LINGO2: variants seen among roughly 807,000 people sequenced by gnomAD.
The protein encoded by LINGO2 is leucine-rich repeat and immunoglobulin-like domain-containing nogo receptor-interacting protein 2.
A neutral mutation model predicts 30.6 loss-of-function variants in LINGO2; 14 were observed. The observed-to-expected ratio is 0.46, with a 90% confidence interval of 0.30 to 0.72. The LOEUF (loss-of-function observed/expected upper bound fraction) is 0.72. LINGO2 is among the 30% of genes least tolerant of loss of function. The probability of loss-of-function intolerance (pLI) is 0.07; values close to 1 mark genes in which losing one functional copy is unlikely to be tolerated. For missense variants in LINGO2, 729 were observed against 751.7 expected (o/e 0.97, Z 0.35); for synonymous variants, 317 against 288.5 (o/e 1.10, Z -1.00).
chr9:28,865,828 T>C, the LINGO2 span, among the ~76,000 whole-genome samples: 2 of 152,066 alleles, frequency 1.3e-5, no homozygotes. Flanking sequence ...TCATCTCAAC[T>C]TAAAGAGATC....
chr9:29,009,652 A>T, the LINGO2 span, among the ~76,000 whole-genome samples: 8 of 152,290 alleles, frequency 5.3e-5, no homozygotes, highest in East Asian at 1.9e-4. Flanking sequence ...GCTACCAATG[A>T]CTTTCTTCAC....
the LINGO2 span, among the ~76,000 whole-genome samples, chr9:29,078,478 C>G: frequency 6.6e-6 from 1 of 151,878 alleles, no homozygotes; most frequent in South Asian, 2.1e-4. Context: ...TTAAGAAATT[C>G]TTCTACTCTT....
the LINGO2 span, among the ~76,000 whole-genome samples, chr9:28,733,809 C>A: frequency 6.6e-6 from 1 of 151,946 alleles, no homozygotes; most frequent in Non-Finnish European, 1.5e-5. Flanking sequence ...ATCTGCCCTT[C>A]AAAAATCCAT....
At chr9:28,882,602 T>G in the LINGO2 span, among the ~76,000 whole-genome samples, 1 of 152,306 alleles carries the variant, frequency 6.6e-6, no homozygotes, top group South Asian at 2.1e-4. Flanking sequence ...AGATTAGCTA[T>G]GCTCCTCTAA....
chr9:28,045,914 T>C (rs1368344996), intron 4 of LINGO2, among the ~76,000 whole-genome samples: 2 of 152,154 alleles, frequency 1.3e-5, no homozygotes, highest in Admixed American at 6.5e-5. Flanking sequence ...TCAATTCAGT[T>C]TGATGATGAT....
At chr9:27,945,654 G>A (rs987089680), downstream of LINGO2, among the ~76,000 whole-genome samples, 5 of 152,120 alleles carry the variant, frequency 3.3e-5, no homozygotes, top group Admixed American at 6.6e-5. Context: ...GCTGGTATGA[G>A]CTGTTATGCT....
chr9:28,003,041 ATAAGT>A (rs781010869), intron 5 of LINGO2, among the ~76,000 whole-genome samples: 70 of 152,308 alleles, frequency 4.6e-4, no homozygotes, highest in Admixed American at 2.0e-3. Context: ...TGAAAAATGA[ATAAGT>A]TAATGAATAT....
the LINGO2 span, among the ~76,000 whole-genome samples, chr9:28,908,471 C>T: frequency 4.0e-5 from 6 of 151,860 alleles, no homozygotes; most frequent in African/African-American, 1.4e-4. Flanking sequence ...ACCATGTTGG[C>T]TGACTATCCT....
intron 4 of LINGO2, among the ~76,000 whole-genome samples, chr9:28,013,894 A>T (rs1217578343): frequency 6.6e-6 from 1 of 152,226 alleles, no homozygotes; most frequent in Non-Finnish European, 1.5e-5. Flanking sequence ...CTGGCTAAAG[A>T]ATGGGGCTTT....
the LINGO2 span, among the ~76,000 whole-genome samples, chr9:28,728,196 G>C: frequency 6.6e-6 from 1 of 152,070 alleles, no homozygotes; most frequent in South Asian, 2.1e-4. Flanking sequence ...ACCTGGGAAA[G>C]AAACTGCCTC....
chr9:28,625,130 G>A (rs1257891647), intron 1 of LINGO2, among the ~76,000 whole-genome samples: 2 of 152,048 alleles, frequency 1.3e-5, no homozygotes, highest in African/African-American at 2.4e-5. Flanking sequence ...TTGTGGTGGT[G>A]AGGCTTGCCA....
At chr9:28,158,225 C>A (rs1360129810) in intron 4 of LINGO2, among the ~76,000 whole-genome samples, 1 of 152,128 alleles carries the variant, frequency 6.6e-6, no homozygotes, top group African/African-American at 2.4e-5. Context: ...GGGAAATTCC[C>A]CTTTTTAAAA....
chr9:29,100,513 G>T, the LINGO2 span, among the ~76,000 whole-genome samples: 7 of 151,700 alleles, frequency 4.6e-5, no homozygotes, highest in African/African-American at 1.7e-4. Flanking sequence ...AGAATCACTT[G>T]AACCCAGGAG....
At chr9:28,012,920 C>T (rs772540669) in intron 4 of LINGO2, among the ~76,000 whole-genome samples, 8 of 152,152 alleles carry the variant, frequency 5.3e-5, no homozygotes, top group South Asian at 2.1e-4. Context: ...TCACTTGCAG[C>T]GCTTGTTAAG....
intron 1 of LINGO2, among the ~76,000 whole-genome samples, chr9:28,618,679 A>T (rs969818553): frequency 2.0e-5 from 3 of 152,144 alleles, no homozygotes; most frequent in Non-Finnish European, 4.4e-5. Context: ...CTTTAGTTCT[A>T]TCTGTAATGT....
chr9:29,021,641 T>G, the LINGO2 span, among the ~76,000 whole-genome samples: 1 of 138,674 alleles, frequency 7.2e-6, no homozygotes, highest in African/African-American at 2.7e-5. Flanking sequence ...TGGGCAACAG[T>G]GTGAGACTCC....
At chr9:28,668,601 T>C (rs1828894143) in intron 1 of LINGO2, among the ~76,000 whole-genome samples, 1 of 151,716 alleles carries the variant, frequency 6.6e-6, no homozygotes, top group South Asian at 2.1e-4. Context: ...AAACAACTAG[T>C]GTCCATTGGG....
intron 4 of LINGO2, among the ~76,000 whole-genome samples, chr9:28,019,140 A>C (rs901493988): frequency 1.1e-4 from 17 of 152,088 alleles, no homozygotes; most frequent in African/African-American, 3.9e-4. Context: ...TGAAGATGGG[A>C]GGAGGGGCAC....
intron 3 of LINGO2, among the ~76,000 whole-genome samples, chr9:28,368,910 T>C (rs1820792394): frequency 6.6e-6 from 1 of 152,184 alleles, no homozygotes; most frequent in Non-Finnish European, 1.5e-5. Flanking sequence ...GTGCCTTCTT[T>C]CTGTCCTAAA....
Sources: gnomAD v4.1 joint callset for allele counts (sites outside exome capture counted in the v4.1 genomes callset) on GRCh38, gnomAD v4.1.1 for gene constraint, MANE v1.5 for transcripts, NCBI Gene and HGNC (gene_info 2026-07-23, HGNC 2026-07-21) for gene names.